The following FHIP2B variants were observed in gnomAD, a reference collection of about 807,000 sequenced individuals.
FHIP2B encodes the protein FHF complex subunit HOOK-interacting protein 2B.
In FHIP2B, 72 loss-of-function variants were observed where a neutral mutation model predicts 84.0. The observed-to-expected ratio is 0.86, with a 90% CI of 0.71 to 1.04. FHIP2B has a LOEUF of 1.04. Ranked by LOEUF, FHIP2B falls within the 50% of genes least tolerant of loss-of-function variation. The pLI is 0.00. For missense variants in FHIP2B, 972 were observed against 968.9 expected (o/e 1.00, Z -0.04); for synonymous variants, 497 against 418.7 (o/e 1.19, Z -2.28).
Position 22,102,204 on chromosome 8 carries a change from G to C in FHIP2B, c.1881G>C (p.Ser627=), listed in dbSNP as rs565970219. 6.2e-7 allele frequency: 1 copy of C among 1,613,366 alleles called. No homozygotes were observed. The highest frequency in any genetic ancestry group is 1.1e-5 in the South Asian group (1 of 91,084). Residue 627 remains serine, a synonymous_variant, in exon 15 of 17, where the codon TCG becomes TCC. Coordinates refer to ENST00000289921, the MANE Select transcript of FHIP2B (RefSeq NM_022749.7). ...QPYSLNLQVT[S]VLSRLALFPH... ...ACAGCCTGAACCTGCAGGTGACCTC[G>C]GTCCTGTCCCGGCTTGCCCTCTTCC...
rs1370244967 is a variant in FHIP2B at position 22,099,361 on chromosome 8, G to GT, written c.1151+2dup. ...CCCTGCAGCCCCAGCTCCTGCACGT[G>GT]TAAGTGTCTAGTTCCCTCAGGCATG... On this transcript the variant is annotated splice_donor_variant, in intron 9 of 16. Transcript: ENST00000289921. LOFTEE classifies it high-confidence loss of function. The GT allele has an allele frequency of 3.7e-6, 6 of 1,613,042 alleles. No homozygotes were observed. The highest frequency in any genetic ancestry group is 2.7e-5 in the African/African-American group (2 of 74,928).
chr8:22,103,157 CT>C lies in FHIP2B; in HGVS notation c.*228del. On this transcript the variant is annotated 3_prime_UTR_variant, in exon 17 of 17. Coordinates refer to ENST00000289921, the MANE Select transcript of FHIP2B (RefSeq NM_022749.7). ...TTCCAGGCAGCAAGGTCCTTGGGGC[CT>C]TCTTGGAGGAGCTTGGGTGACAGCC... is the stretch of plus-strand genomic sequence containing the variant. 3 of 594,012 alleles carry C rather than the reference CT, an allele frequency of 5.1e-6. No homozygotes were observed. 36.8% of individuals were successfully genotyped at this position (594,012 alleles called of 1,614,324 possible). A position where few individuals can be genotyped will look rare whatever the true frequency, so the allele number is the denominator to read the frequency against.
chr8:22,099,252 G>T, intron 8 of FHIP2B, 32 bp from the exon 9 acceptor site: 1 of 1,610,546 alleles, frequency 6.2e-7, no homozygotes, highest in South Asian at 1.1e-5. Context: ...TTGTAATGAG[G>T]GCAAAACACA....
intron 9 of FHIP2B, 62 bp from the exon 10 acceptor site, chr8:22,099,638 TCGGC>T: frequency 6.7e-7 from 1 of 1,491,164 alleles, no homozygotes; most frequent in South Asian, 1.3e-5. Context: ...CAGGAAGGGT[TCGGC>T]CACCCGCACT....
intron 12 of FHIP2B, 200 bp from the exon 13 acceptor site, chr8:22,101,240 C>G: frequency 1.6e-6 from 1 of 635,934 alleles, no homozygotes; most frequent in South Asian, 2.0e-5. Context: ...CCAGGCAGGT[C>G]TCGAACTCCT....
At chr8:22,099,247 A>G in intron 8 of FHIP2B, 37 bp from the exon 9 acceptor site, 2 of 1,609,390 alleles carry the variant, frequency 1.2e-6, no homozygotes, top group Non-Finnish European at 1.7e-6. Context: ...TGGAATTGTA[A>G]TGAGGGCAAA....
chr8:22,100,031 T>A, intron 10 of FHIP2B, 138 bp downstream of exon 10: 1 of 831,656 alleles, frequency 1.2e-6, no homozygotes, highest in Non-Finnish European at 1.8e-6. Flanking sequence ...GCCGAGCCAC[T>A]TTTATCACAC....
At chr8:22,101,103 C>A in intron 12 of FHIP2B, 131 bp downstream of exon 12, 1 of 1,241,638 alleles carries the variant, frequency 8.1e-7, no homozygotes, top group East Asian at 2.5e-5. Flanking sequence ...GCAACCTCCA[C>A]CTCCCGGGTT....
In FHIP2B at chr8:22,092,495, A is replaced by G. The variant is rs562984517; in HGVS notation, c.46-1945A>G. On this transcript the variant is annotated intron_variant, in intron 1 of 16. Transcript: ENST00000289921. Reference sequence around the variant, plus strand: ...CTTGGGAGGCAGGAGAATCACTTGAACCCAGGAAGCGGAGGTTACAGTGAG... The same window carrying G: ...CTTGGGAGGCAGGAGAATCACTTGAGCCCAGGAAGCGGAGGTTACAGTGAG... Among the ~76,000 whole-genome samples the G allele has an allele frequency of 8.8e-4, 132 of 149,382 alleles. 1 individual carries two copies. The Admixed American group carries it at 8.9e-3, about 10-fold the overall frequency.
In FHIP2B at chr8:22,089,167, G is replaced by C. The variant is rs1014217517; in HGVS notation, c.-87G>C. On this transcript the variant is annotated 5_prime_UTR_variant, in exon 1 of 17. Coordinates refer to ENST00000289921, the MANE Select transcript of FHIP2B (RefSeq NM_022749.7). ...CGGGCCCCGCCCCCCTCGTCGCGCCGGGGCCGCCGGGGCCACGGGGCTGCC... is the reference window on the plus strand; with the variant it reads ...CGGGCCCCGCCCCCCTCGTCGCGCCCGGGCCGCCGGGGCCACGGGGCTGCC... 1.8e-5 allele frequency: 16 copies of C among 878,560 alleles called. No individual in the cohort carries two copies. In the East Asian group the frequency reaches 2.5e-4, roughly 14 times the overall value. The allele number at this position is 878,560 out of a possible 1,614,324, so 54.4% of individuals were successfully genotyped here.
intron 15 of FHIP2B, 44 bp from the exon 16 acceptor site, chr8:22,102,484 G>A (rs1826179824): frequency 1.3e-6 from 2 of 1,540,980 alleles, no homozygotes; most frequent in East Asian, 4.9e-5. Flanking sequence ...GGGACTCACT[G>A]GTGTTGCTGG....
chr8:22,094,860 G>C (rs1586320562), intron 2 of FHIP2B: 2 of 1,154,532 alleles, frequency 1.7e-6, no homozygotes, highest in East Asian at 6.7e-5. Flanking sequence ...CCAGGTGCTT[G>C]TGCCTAGGAT....
At chr8:22,102,039 G>A in intron 14 of FHIP2B, 136 bp from the exon 15 acceptor site, 1 of 1,544,600 alleles carries the variant, frequency 6.5e-7, no homozygotes, top group Non-Finnish European at 8.7e-7. Context: ...CAGCCCCATG[G>A]AATCCATGAC....
At chr8:22,090,550 C>G (rs1563585992) in intron 1 of FHIP2B, among the ~76,000 whole-genome samples, 4 of 152,190 alleles carry the variant, frequency 2.6e-5, no homozygotes, top group Admixed American at 1.3e-4. Context: ...CAATTCATAC[C>G]TCTGGGGAAC....
intron 1 of FHIP2B, among the ~76,000 whole-genome samples, chr8:22,091,999 C>T (rs1419892341): frequency 6.6e-6 from 1 of 152,196 alleles, no homozygotes; most frequent in Non-Finnish European, 1.5e-5. Flanking sequence ...GAGATGATTG[C>T]TCAGCACAGC....
intron 5 of FHIP2B, 42 bp downstream of exon 5, chr8:22,097,881 CCCCAGGGCAAGCCCCCTCTG>C: frequency 1.2e-6 from 2 of 1,600,538 alleles, no homozygotes; most frequent in Non-Finnish European, 1.7e-6. Flanking sequence ...GGGCCCAGAA[CCCCAGGGCAAGCCCCCTCTG>C]CCCTCCTGAG....
chr8:22,096,772 G>C, intron 3 of FHIP2B: 1 of 417,000 alleles, frequency 2.4e-6, no homozygotes, highest in Non-Finnish European at 4.2e-6. Flanking sequence ...CACTGTGGCT[G>C]TCTCACTTAG....
chr8:22,099,060 A>T lies in FHIP2B; in HGVS notation c.1074+4A>T. On this transcript the variant is annotated splice_donor_region_variant and intron_variant, in intron 8 of 16. Coordinates refer to ENST00000289921, the MANE Select transcript of FHIP2B (RefSeq NM_022749.7). ...CCTCATCACAGAGGCACACACGGTG[A>T]GCAGGGGCGGGCGGAGGCCGGGCTC... The T allele has an allele frequency of 6.3e-7, 1 of 1,593,682 alleles. No individual in the cohort carries two copies. Among genetic ancestry groups the T allele is most frequent in the Non-Finnish European group, 8.6e-7 (1 of 1,169,302 alleles).
rs569244893 is a variant in FHIP2B at position 22,099,066 on chromosome 8, G to A, written c.1074+10G>A. The A allele has an allele frequency of 1.5e-4, 231 of 1,577,918 alleles. 4 individuals are homozygous for A. In the South Asian group the frequency reaches 2.6e-3, roughly 17 times the overall value. On this transcript the variant is annotated intron_variant, in intron 8 of 16. Coordinates refer to ENST00000289921, the MANE Select transcript of FHIP2B (RefSeq NM_022749.7). ...CACAGAGGCACACACGGTGAGCAGG[G>A]GCGGGCGGAGGCCGGGCTCTCATGC... is the stretch of plus-strand genomic sequence containing the variant.
Sources: gnomAD v4.1 joint callset for allele counts (sites outside exome capture counted in the v4.1 genomes callset) on GRCh38, gnomAD v4.1.1 for gene constraint, MANE v1.5 for transcripts, NCBI Gene and HGNC (gene_info 2026-07-23, HGNC 2026-07-21) for gene names.